ATRX: variants seen among roughly 807,000 people sequenced by gnomAD.
The protein encoded by ATRX is chromatin remodeler ATRX.
In ATRX, 12 loss-of-function variants were observed where a neutral mutation model predicts 172.6. That is an observed-to-expected ratio of 0.07 (90% CI 0.04 to 0.11). The LOEUF (loss-of-function observed/expected upper bound fraction) is 0.11. Among genes scored for constraint, ATRX ranks in the 10% least tolerant of loss-of-function variants. The pLI is 1.00. For missense variants in ATRX, 1,368 were observed against 1,767.4 expected, an observed-to-expected ratio of 0.77 and a Z score of 4.05; for synonymous variants, 674 against 594.7, an observed-to-expected ratio of 1.13 and a Z score of -1.94.
At chrX:77,562,398 C>T (rs2065050649) in intron 28 of ATRX, among the ~76,000 whole-genome samples, 2 of 111,440 alleles carry the variant, frequency 1.8e-5, no homozygotes, top group Admixed American at 1.9e-4. Flanking sequence ...AAATTGTTTC[C>T]CAGAATGGTT....
intron 22 of ATRX, chrX:77,616,029 C>A (rs2067344016): frequency 3.3e-5 from 25 of 751,374 alleles, no homozygotes; most frequent in South Asian, 2.1e-4. Context: ...CACACACACA[C>A]AAAAAGCTTA....
chrX:77,565,228 T>C (rs782723143), intron 28 of ATRX, among the ~76,000 whole-genome samples: 2 of 111,966 alleles, frequency 1.8e-5, no homozygotes, highest in East Asian at 5.6e-4. Flanking sequence ...GGCAACAATG[T>C]GGTAGGGCGT....
At chrX:77,574,449 A>T (rs1156897405) in intron 27 of ATRX, 91 bp from the exon 28 acceptor site, 6 of 635,231 alleles carry the variant, frequency 9.4e-6, no homozygotes, top group Non-Finnish European at 1.6e-5. Context: ...CATCATTTAA[A>T]AGTGGGTTAT....
intron 12 of ATRX, among the ~76,000 whole-genome samples, chrX:77,661,162 C>G (rs1346478816): frequency 8.9e-6 from 1 of 112,097 alleles, no homozygotes; most frequent in East Asian, 2.8e-4. Flanking sequence ...GTTCCTTGAT[C>G]TGGGTGCCCT....
Position 77,616,741 on chromosome X carries a change from CAAGA to C in ATRX, c.5449-15_5449-12del. On this transcript the variant is annotated splice_polypyrimidine_tract_variant and intron_variant, in intron 21 of 34. Coordinates refer to ENST00000373344, the MANE Select transcript of ATRX (RefSeq NM_000489.6). ...TGTATAATCTTTCCTCTGTAATTAA[CAAGA>C]AAGAGAATGAAAATTAATCTAAATA... The C allele has an allele frequency of 2.8e-6, 3 of 1,079,905 alleles. No individual in the cohort carries two copies. Among genetic ancestry groups the C allele is most frequent in the Non-Finnish European group, 3.9e-6 (3 of 777,341 alleles). 89.0% of individuals were successfully genotyped at this position (1,079,905 alleles called of 1,213,427 possible). A position where few individuals can be genotyped will look rare whatever the true frequency, so the allele number is the denominator to read the frequency against.
In ATRX at chrX:77,683,232, G is replaced by T. The variant is rs782780436; in HGVS notation, c.2024C>A (p.Ser675Tyr). Residue 675 changes from serine to tyrosine, a missense_variant, in exon 9 of 35, where the codon TCT (serine) becomes TAT (tyrosine). Ser to Tyr is a moderately radical substitution (Grantham distance 144, BLOSUM62 -2). Coordinates refer to ENST00000373344, the MANE Select transcript of ATRX (RefSeq NM_000489.6). Reference sequence around the variant, plus strand: ...TTCATTACATTCTTCATCTGAATTAGATGTTACAGGGTTAGTTTCTGTCGG... The same window carrying T: ...TTCATTACATTCTTCATCTGAATTATATGTTACAGGGTTAGTTTCTGTCGG... ...RRPTETNPVT[S>Y]NSDEECNETV... The T allele has an allele frequency of 8.3e-7, 1 of 1,210,981 alleles. No homozygotes were observed. The highest frequency in any genetic ancestry group is 1.1e-6 in the Non-Finnish European group (1 of 895,121).
At chrX:77,605,593 CAA>C (rs1219125707) in intron 22 of ATRX, among the ~76,000 whole-genome samples, 1 of 110,884 alleles carries the variant, frequency 9.0e-6, no homozygotes, top group Non-Finnish European at 1.9e-5. Context: ...TAAACTCTTC[CAA>C]AAAACAGAAT....
intron 22 of ATRX, among the ~76,000 whole-genome samples, chrX:77,607,234 G>GA (rs1432853247): frequency 5.4e-5 from 6 of 110,786 alleles, no homozygotes; most frequent in African/African-American, 2.0e-4. Context: ...ATTTGGGAAA[G>GA]AAAAAAAACT....
chrX:77,589,728 G>C (rs2066165080), intron 27 of ATRX, 106 bp downstream of exon 27: 4 of 662,565 alleles, frequency 6.0e-6, no homozygotes, highest in Non-Finnish European at 9.2e-6. Flanking sequence ...TGATATGATA[G>C]AGTTGTGAGA....
intron 30 of ATRX, among the ~76,000 whole-genome samples, chrX:77,550,062 C>CTGAAGA (rs2064417767): frequency 1.8e-5 from 2 of 112,348 alleles, no homozygotes; most frequent in Non-Finnish European, 3.8e-5. Flanking sequence ...AAGAATCTAA[C>CTGAAGA]TGAAGATATA....
In ATRX at chrX:77,599,584, A is replaced by AAAAC. The variant is rs782072699; in HGVS notation, c.5787-8_5787-5dup. ...CTTTTTCCCTTTTTTCTTCTTTCTA[A>AAAAC]AAACAAACAAACAAACAAACAAAAA... is the stretch of plus-strand genomic sequence containing the variant. On this transcript the variant is annotated splice_polypyrimidine_tract_variant and splice_region_variant and intron_variant, in intron 24 of 34. Coordinates refer to ENST00000373344, the MANE Select transcript of ATRX (RefSeq NM_000489.6). 78 of 1,207,113 alleles carry AAAAC rather than the reference A, an allele frequency of 6.5e-5. No individual in the cohort carries two copies. The highest frequency in any genetic ancestry group is 6.4e-4 in the South Asian group (36 of 56,669).
In ATRX at chrX:77,516,709, C is replaced by T. The variant is rs782110363; in HGVS notation, c.7200+4079G>A. Among the ~76,000 whole-genome samples, 5 of 111,833 alleles carry T rather than the reference C, an allele frequency of 4.5e-5. No homozygotes were observed. In the South Asian group the frequency reaches 1.9e-3, roughly 41 times the overall value. ...ACAGAAAATCAATAAAAAAAACCAA[C>T]GGACTTATTCTGCACTATAGACCAA... On this transcript the variant is annotated intron_variant, in intron 34 of 34. Coordinates refer to ENST00000373344, the MANE Select transcript of ATRX (RefSeq NM_000489.6).
rs2063471761 is a variant in ATRX, at chrX:77,528,519, TGGAGCAAAC to T, written c.6700-5127_6700-5119del. On this transcript the variant is annotated intron_variant, in intron 30 of 34. Coordinates refer to ENST00000373344, the MANE Select transcript of ATRX (RefSeq NM_000489.6). ...TGGAGAAGCCGAGGAAACTAGGGTCTGGAGCAAACCCCCAGCTAACCACAGGAGCCCTAC... is the reference window on the plus strand; with the variant it reads ...TGGAGAAGCCGAGGAAACTAGGGTCTCCCCAGCTAACCACAGGAGCCCTAC... Among the ~76,000 whole-genome samples, 7 of 110,550 alleles carry T rather than the reference TGGAGCAAAC, an allele frequency of 6.3e-5. No homozygotes were observed. In the Middle Eastern group the frequency reaches 0.014, roughly 216 times the overall value.
At chrX:77,705,745 T>C (rs1238632899) in intron 2 of ATRX, among the ~76,000 whole-genome samples, 1 of 111,919 alleles carries the variant, frequency 8.9e-6, no homozygotes, top group Non-Finnish European at 1.9e-5. Context: ...TCATAGGGAA[T>C]TGAAAACATT....
intron 28 of ATRX, among the ~76,000 whole-genome samples, chrX:77,563,710 T>C (rs2065097816): frequency 9.5e-6 from 1 of 105,540 alleles, no homozygotes; most frequent in African/African-American, 3.4e-5. Flanking sequence ...TGCGTGTGTG[T>C]GTGTGTGTGT....
intron 1 of ATRX, among the ~76,000 whole-genome samples, chrX:77,763,536 T>A (rs2075800307): frequency 9.4e-6 from 1 of 106,624 alleles, no homozygotes; most frequent in South Asian, 4.3e-4. Context: ...AGTGGCACGA[T>A]CTCGGCTCAC....
At chrX:77,621,456 C>G (rs1375018047) in intron 19 of ATRX, among the ~76,000 whole-genome samples, 4 of 110,744 alleles carry the variant, frequency 3.6e-5, no homozygotes, top group African/African-American at 1.3e-4. Context: ...ATTACAGGTG[C>G]CCGCCACCAT....
At chrX:77,716,951 A>G (rs1557165542) in intron 2 of ATRX, among the ~76,000 whole-genome samples, 180 bp downstream of exon 2, 1 of 111,611 alleles carries the variant, frequency 9.0e-6, no homozygotes, top group Non-Finnish European at 1.9e-5. Context: ...AATCTCCTGT[A>G]TCAGATATAG....
At chrX:77,635,782 G>C (rs1289517788) in intron 16 of ATRX, 133 bp downstream of exon 16, 15 of 532,667 alleles carry the variant, frequency 2.8e-5, no homozygotes, top group African/African-American at 4.8e-5. Flanking sequence ...CATAAAGGCA[G>C]GGGAATTGTG....
Sources: allele counts gnomAD v4.1 joint callset (sites outside exome capture counted in the v4.1 genomes callset), GRCh38; gene constraint gnomAD v4.1.1; transcripts MANE v1.5; gene names NCBI Gene and HGNC (gene_info 2026-07-23, HGNC 2026-07-21).